DPYD: variants seen among roughly 807,000 people sequenced by gnomAD.
The protein encoded by DPYD is dihydropyrimidine dehydrogenase [NADP(+)].
DPYD carries 109 observed loss-of-function variants against 116.2 expected under a neutral mutation model. The ratio of observed to expected loss-of-function variants is 0.94; its 90% CI spans 0.80 to 1.10. The LOEUF (loss-of-function observed/expected upper bound fraction) is 1.10. Among genes scored for constraint, DPYD ranks in the 50% least tolerant of loss-of-function variants. DPYD has a pLI of 0.00. For missense variants in DPYD, 1,302 were observed against 1,254.5 expected, an observed-to-expected ratio of 1.04 and a Z score of -0.57; for synonymous variants, 440 against 432.0, an observed-to-expected ratio of 1.02 and a Z score of -0.23.
intron 20 of DPYD, among the ~76,000 whole-genome samples, chr1:97,184,152 T>C (rs918429772): frequency 1.5e-4 from 23 of 152,288 alleles, no homozygotes; most frequent in Non-Finnish European, 3.4e-4. Flanking sequence ...ACATTTTCTT[T>C]ATCCAATCTG....
intron 8 of DPYD, among the ~76,000 whole-genome samples, chr1:97,675,976 T>C (rs967822782): frequency 1.3e-5 from 2 of 152,166 alleles, no homozygotes; most frequent in Non-Finnish European, 1.5e-5. Context: ...CTCGATCTCT[T>C]GACCTCATGA....
chr1:97,679,030 C>A, intron 8 of DPYD, 65 bp downstream of exon 8: 1 of 748,850 alleles, frequency 1.3e-6, no homozygotes, highest in Non-Finnish European at 2.1e-6. Context: ...AGTCATTCTT[C>A]TGGATATTGC....
At chr1:97,135,658 T>A (rs566387788) in intron 20 of DPYD, among the ~76,000 whole-genome samples, 33 of 152,324 alleles carry the variant, frequency 2.2e-4, no homozygotes, top group Middle Eastern at 6.8e-3. Context: ...TATTAATTTT[T>A]AAAAAATAGT....
At chr1:97,122,160 T>C (rs556671751) in intron 20 of DPYD, among the ~76,000 whole-genome samples, 2 of 152,214 alleles carry the variant, frequency 1.3e-5, no homozygotes, top group African/African-American at 4.8e-5. Context: ...CCTACTTCCT[T>C]TGTAGATGTT....
intron 18 of DPYD, among the ~76,000 whole-genome samples, chr1:97,292,716 G>A (rs1487432168): frequency 7.3e-5 from 7 of 96,242 alleles, no homozygotes; most frequent in Non-Finnish European, 1.3e-4. Flanking sequence ...GCGCGCACAC[G>A]CGCGAGCACA....
intron 11 of DPYD, among the ~76,000 whole-genome samples, chr1:97,572,393 C>G (rs762791565): frequency 2.8e-4 from 42 of 151,860 alleles, no homozygotes; most frequent in Non-Finnish European, 5.5e-4. Flanking sequence ...TGAGCCAAAT[C>G]TGTTCAGGTT....
chr1:97,254,188 C>T (rs190564298), intron 18 of DPYD, among the ~76,000 whole-genome samples: 52 of 152,142 alleles, frequency 3.4e-4, no homozygotes, highest in Admixed American at 3.2e-3. Flanking sequence ...AAACTAGGGC[C>T]GTTTTTCACA....
At chr1:97,904,044 A>G (rs1394821491) in intron 1 of DPYD, among the ~76,000 whole-genome samples, 1 of 151,892 alleles carries the variant, frequency 6.6e-6, no homozygotes, top group Non-Finnish European at 1.5e-5. Flanking sequence ...AATCAGCAAC[A>G]GAGGCTGTAT....
intron 8 of DPYD, among the ~76,000 whole-genome samples, chr1:97,631,744 A>G (rs1353256797): frequency 1.3e-5 from 2 of 152,056 alleles, no homozygotes; most frequent in Admixed American, 1.3e-4. Flanking sequence ...GAATTTGAAC[A>G]AATGTCTGTT....
At chr1:97,716,249 T>C (rs558826979) in intron 5 of DPYD, among the ~76,000 whole-genome samples, 2 of 152,212 alleles carry the variant, frequency 1.3e-5, no homozygotes, top group Non-Finnish European at 2.9e-5. Flanking sequence ...CCTTGGAATA[T>C]ATAGTATATT....
intron 2 of DPYD, among the ~76,000 whole-genome samples, chr1:97,852,521 T>C (rs999647231): frequency 2.0e-5 from 3 of 152,150 alleles, no homozygotes; most frequent in East Asian, 1.9e-4. Context: ...GTAATTCTTA[T>C]TGTATTAATG....
chr1:97,618,550 G>A (rs900372824), intron 8 of DPYD, among the ~76,000 whole-genome samples: 1 of 151,518 alleles, frequency 6.6e-6, no homozygotes, highest in African/African-American at 2.4e-5. Context: ...TAATTTTTTT[G>A]TATACTCTGT....
chr1:97,345,199 T>A (rs1214549790), intron 16 of DPYD, among the ~76,000 whole-genome samples: 5 of 151,950 alleles, frequency 3.3e-5, no homozygotes, highest in African/African-American at 4.8e-5. Flanking sequence ...TTTCCTAATG[T>A]CCCATTTTCC....
At chr1:97,292,702 ACGCGCGCG>A (rs1440528273) in intron 18 of DPYD, among the ~76,000 whole-genome samples, 4 of 120,278 alleles carry the variant, frequency 3.3e-5, no homozygotes, top group Non-Finnish European at 7.1e-5. Context: ...ACATGCGTGC[ACGCGCGCG>A]CACACGCGCG....
intron 7 of DPYD, among the ~76,000 whole-genome samples, chr1:97,688,212 G>A (rs111346583): frequency 6.6e-6 from 1 of 152,056 alleles, no homozygotes; most frequent in African/African-American, 2.4e-5. Context: ...TATATAGTCA[G>A]CAATTAATGA....
chr1:97,424,433 G>T (rs1013408460), intron 14 of DPYD, among the ~76,000 whole-genome samples: 1 of 151,998 alleles, frequency 6.6e-6, no homozygotes, highest in Admixed American at 6.6e-5. Flanking sequence ...CACTGTTCAG[G>T]CAAGACACAG....
intron 1 of DPYD, among the ~76,000 whole-genome samples, chr1:97,885,254 C>G (rs1304978276): frequency 1.3e-5 from 2 of 151,864 alleles, no homozygotes; most frequent in African/African-American, 4.8e-5. Context: ...AAAATGAACT[C>G]TTATTGAGAT....
At chr1:97,661,826 T>A (rs77199805) in intron 8 of DPYD, among the ~76,000 whole-genome samples, 3,790 of 152,050 alleles carry the variant, frequency 0.025, 151 homozygotes, top group African/African-American at 0.088. Flanking sequence ...CTCCCCAATC[T>A]AATATTTTTA....
At chr1:97,518,486 C>T (rs1287151312) in intron 12 of DPYD, among the ~76,000 whole-genome samples, 5 of 152,084 alleles carry the variant, frequency 3.3e-5, no homozygotes, top group Non-Finnish European at 5.9e-5. Flanking sequence ...TCAGAGAACT[C>T]AAGCATATCT....
Sources: allele counts gnomAD v4.1 joint callset (sites outside exome capture counted in the v4.1 genomes callset), GRCh38; gene constraint gnomAD v4.1.1; transcripts MANE v1.5; gene names NCBI Gene and HGNC (gene_info 2026-07-23, HGNC 2026-07-21).